The following CUX1 variants were observed in gnomAD, a reference collection of about 807,000 sequenced individuals.
The protein encoded by CUX1 is cut like homeobox 1, also known as protein CASP.
A neutral mutation model predicts 158.8 loss-of-function variants in CUX1; 31 were observed. The observed-to-expected ratio is 0.20, with a 90% CI of 0.15 to 0.26. CUX1 has a LOEUF of 0.26. Among genes scored for constraint, CUX1 ranks in the 10% least tolerant of loss-of-function variants. The pLI, the probability that CUX1 is intolerant of heterozygous loss-of-function variation, is 1.00. For missense variants in CUX1, 1,589 were observed against 2,014.6 expected (o/e 0.79, Z 4.04); for synonymous variants, 879 against 862.1 (o/e 1.02, Z -0.34).
chr7:101,930,382 A>T lies in CUX1; in HGVS notation c.141+14157A>T, dbSNP rs145968167. ...TTGATTATAAGCCAAAGCGTGGGAA[A>T]ATCTCCCCTTCCACTTTGAGATTAT... On this transcript the variant is annotated intron_variant, in intron 2 of 23. Coordinates refer to ENST00000292535, the MANE Select transcript of CUX1 (RefSeq NM_181552.4). 5.2e-3 allele frequency among the ~76,000 whole-genome samples: 785 copies of T among 152,246 alleles called. 11 individuals carry two copies. The highest frequency in any genetic ancestry group is 0.018 in the African/African-American group (742 of 41,544).
At chr7:101,826,996 T>C (rs1793377046) in intron 1 of CUX1, among the ~76,000 whole-genome samples, 1 of 152,224 alleles carries the variant, frequency 6.6e-6, no homozygotes, top group Non-Finnish European at 1.5e-5. Flanking sequence ...TGAAAGCTAC[T>C]GATAGGTACA....
intron 1 of CUX1, among the ~76,000 whole-genome samples, chr7:101,836,051 C>T (rs1404801642): frequency 2.0e-5 from 3 of 152,148 alleles, no homozygotes; most frequent in Non-Finnish European, 4.4e-5. Context: ...TTAAAATGTA[C>T]GATTAAATTA....
At chr7:101,816,485 T>C (rs866282609), upstream of CUX1, among the ~76,000 whole-genome samples, 3,178 of 127,910 alleles carry the variant, frequency 0.025, 99 homozygotes, top group African/African-American at 0.085. Flanking sequence ...GCCCGCGGGG[T>C]GCGCGCGCGA....
chr7:101,853,783 G>T (rs1796525131), intron 1 of CUX1, among the ~76,000 whole-genome samples: 1 of 152,150 alleles, frequency 6.6e-6, no homozygotes, highest in Non-Finnish European at 1.5e-5. Context: ...GTGCAGTTGG[G>T]AACTGTTAGT....
chr7:102,098,957 C>T (rs192733309), intron 5 of CUX1, among the ~76,000 whole-genome samples: 78 of 151,980 alleles, frequency 5.1e-4, no homozygotes, highest in Admixed American at 1.4e-3. Context: ...CCGCACCCAG[C>T]CAATTGGCAA....
intron 2 of CUX1, among the ~76,000 whole-genome samples, chr7:102,025,211 C>T (rs1819844735): frequency 6.6e-6 from 1 of 152,168 alleles, no homozygotes. Context: ...TGACATAATC[C>T]CATCTGCAAA....
In CUX1 at chr7:102,125,311, C is replaced by A. The variant is rs187934751; in HGVS notation, c.674+10038C>A. On this transcript the variant is annotated intron_variant, in intron 8 of 23. Coordinates refer to ENST00000292535, the MANE Select transcript of CUX1 (RefSeq NM_181552.4). Reference sequence around the variant, plus strand: ...AAAGGTAAACTCAGGATGCTGTTGGCTCCTAAGCAGAAAGCAGGCGCCACC... The same window carrying A: ...AAAGGTAAACTCAGGATGCTGTTGGATCCTAAGCAGAAAGCAGGCGCCACC... Among the ~76,000 whole-genome samples, 4 of 152,274 alleles carry A rather than the reference C, an allele frequency of 2.6e-5. No homozygotes were observed. In the East Asian group the frequency reaches 7.7e-4, roughly 29 times the overall value.
chr7:101,995,419 G>A (rs1361300009), intron 2 of CUX1, among the ~76,000 whole-genome samples: 1 of 152,130 alleles, frequency 6.6e-6, no homozygotes. Flanking sequence ...TTATAAAACA[G>A]TACCCTCTCA....
intron 2 of CUX1, among the ~76,000 whole-genome samples, chr7:101,988,704 C>T (rs1045518769): frequency 6.6e-6 from 1 of 152,094 alleles, no homozygotes; most frequent in African/African-American, 2.4e-5. Flanking sequence ...CAGAGTCCTG[C>T]GTCGGGATAC....
chr7:101,821,664 C>CTTTTTTT, intron 1 of CUX1, among the ~76,000 whole-genome samples: 1 of 71,024 alleles, frequency 1.4e-5, no homozygotes. Flanking sequence ...TTCTTTTTTT[C>CTTTTTTT]TTTTTTCTTT....
chr7:101,897,056 C>G (rs1801597472), intron 1 of CUX1, among the ~76,000 whole-genome samples: 1 of 152,248 alleles, frequency 6.6e-6, no homozygotes, highest in Non-Finnish European at 1.5e-5. Flanking sequence ...TCCTTTCAGC[C>G]AGCACCCATT....
chr7:101,893,177 TTTTTTTTTA>T lies in CUX1; in HGVS notation c.31-22937_31-22929del, dbSNP rs1357295890. Among the ~76,000 whole-genome samples the T allele has an allele frequency of 4.7e-4, 52 of 110,220 alleles. 3 individuals are homozygous for T. Among genetic ancestry groups the T allele is most frequent in the East Asian group, 3.7e-3 (8 of 2,172 alleles). 72.3% of individuals were successfully genotyped at this position (110,220 alleles called of 152,430 possible). On this transcript the variant is annotated intron_variant, in intron 1 of 23. Transcript: ENST00000292535. ...TTATTACTTTTTTTTTTTTTTTTTT[TTTTTTTTTA>T]AAATAGAGATGAGGGCTTGCTGTGT...
chr7:101,828,343 T>C (rs948862711), intron 1 of CUX1, among the ~76,000 whole-genome samples: 48 of 152,128 alleles, frequency 3.2e-4, no homozygotes, highest in Admixed American at 3.1e-3. Context: ...CAAACCTGTG[T>C]TGTTCAAGAG....
chr7:102,248,290 C>T lies in CUX1; in HGVS notation c.3888-122C>T, dbSNP rs959159177. Reference sequence around the variant, plus strand: ...TGGCCCGAGGGTCGCTGGAGGGGCACGGAGGGGCCTCCAGGCTGGACGGAG... The same window carrying T: ...TGGCCCGAGGGTCGCTGGAGGGGCATGGAGGGGCCTCCAGGCTGGACGGAG... On this transcript the variant is annotated intron_variant, in intron 23 of 23. Coordinates refer to ENST00000292535, the MANE Select transcript of CUX1 (RefSeq NM_181552.4). The surrounding 1 kb of genome is among the most constrained non-coding windows in gnomAD (Gnocchi z 5.8). 1 of 926,682 alleles carries T rather than the reference C, an allele frequency of 1.1e-6. No individual in the cohort carries two copies. The highest frequency in any genetic ancestry group is 1.8e-5 in the South Asian group (1 of 56,190). The allele number at this position is 926,682 out of a possible 1,614,324, so 57.4% of individuals were successfully genotyped here. A position where few individuals can be genotyped will look rare whatever the true frequency, so the allele number is the denominator to read the frequency against.
chr7:101,993,495 G>T (rs1038807598), intron 2 of CUX1, among the ~76,000 whole-genome samples: 4 of 152,206 alleles, frequency 2.6e-5, no homozygotes, highest in Admixed American at 2.6e-4. Context: ...AGGCCTCCCA[G>T]GGGAGCACTT....
intron 4 of CUX1, among the ~76,000 whole-genome samples, chr7:102,092,364 C>T (rs1186463793): frequency 1.3e-5 from 2 of 152,082 alleles, no homozygotes; most frequent in Non-Finnish European, 2.9e-5. Context: ...TGAATCCTTG[C>T]GCTGCCTGGC....
At chr7:102,245,368 T>C (rs1454233002) in intron 23 of CUX1, among the ~76,000 whole-genome samples, 5 of 152,094 alleles carry the variant, frequency 3.3e-5, no homozygotes, top group Admixed American at 3.3e-4. Context: ...TATAGATATA[T>C]CATCTTATTA....
At chr7:102,197,432 CT>C in intron 15 of CUX1, 127 bp downstream of exon 15, 1 of 1,194,044 alleles carries the variant, frequency 8.4e-7, no homozygotes, top group Non-Finnish European at 1.2e-6. Flanking sequence ...GTAAAGTTCT[CT>C]TTGCTTCTGC....
chr7:101,951,258 G>A (rs765626722), intron 2 of CUX1, among the ~76,000 whole-genome samples: 1 of 151,820 alleles, frequency 6.6e-6, no homozygotes, highest in Non-Finnish European at 1.5e-5. Flanking sequence ...TTGAGCCTGG[G>A]TGGCAGAGGT....
Sources: gnomAD v4.1 joint callset for allele counts (sites outside exome capture counted in the v4.1 genomes callset) on GRCh38, gnomAD v4.1.1 for gene constraint, Gnocchi (gnomAD v3.1) non-coding constraint, MANE v1.5 for transcripts, NCBI Gene and HGNC (gene_info 2026-07-23, HGNC 2026-07-21) for gene names.